Variants in KCTD5 observed in about 807,000 individuals in gnomAD.
The protein encoded by KCTD5 is BTB/POZ domain-containing protein KCTD5.
In KCTD5, 12 loss-of-function variants were observed where a neutral mutation model predicts 27.9. The ratio of observed to expected loss-of-function variants is 0.43; its 90% confidence interval spans 0.28 to 0.70. The LOEUF (loss-of-function observed/expected upper bound fraction) is 0.70, where lower values mean the gene tolerates loss of function less well. KCTD5 is among the 30% of genes least tolerant of loss of function. The probability of loss-of-function intolerance (pLI) is 0.19; values close to 1 mark genes in which losing one functional copy is unlikely to be tolerated. For synonymous variants in KCTD5, 147 were observed against 121.4 expected (o/e 1.21, Z -1.39); for missense variants, 226 against 274.8 (o/e 0.82, Z 1.26).
intron 1 of KCTD5, among the ~76,000 whole-genome samples, chr16:2,693,524 C>T (rs887009229): frequency 3.3e-5 from 5 of 152,232 alleles, no homozygotes; most frequent in African/African-American, 7.2e-5. Context: ...AGTGCCAGCA[C>T]GCTCAGTGCC....
intron 1 of KCTD5, among the ~76,000 whole-genome samples, chr16:2,685,052 G>C (rs1043006085): frequency 1.4e-4 from 22 of 152,206 alleles, no homozygotes; most frequent in African/African-American, 4.8e-4. Flanking sequence ...CATTTAACCA[G>C]GTTTGATTTC....
chr16:2,698,977 G>A (rs543877717), intron 3 of KCTD5, among the ~76,000 whole-genome samples: 2 of 152,210 alleles, frequency 1.3e-5, no homozygotes, highest in Non-Finnish European at 2.9e-5. Flanking sequence ...GAGAGTCTGC[G>A]GTCCAGCCTT....
chr16:2,700,141 C>G (rs1567195619), intron 4 of KCTD5, among the ~76,000 whole-genome samples: 1 of 152,196 alleles, frequency 6.6e-6, no homozygotes, highest in East Asian at 1.9e-4. Flanking sequence ...GCACCTTCCC[C>G]TCCTCCCTGG....
At chr16:2,704,844 G>T (rs1174398947) in intron 5 of KCTD5, among the ~76,000 whole-genome samples, 2 of 152,220 alleles carry the variant, frequency 1.3e-5, no homozygotes, top group Non-Finnish European at 2.9e-5. Context: ...CGAGATCTGT[G>T]GGCTAGCGCC....
At position 2,707,543 on chromosome 16, in the gene KCTD5, G is replaced by A. The variant is rs537569717; in HGVS notation, c.*216G>A. On this transcript the variant is annotated 3_prime_UTR_variant, in exon 6 of 6. Transcript: ENST00000301738. ...CCCAAGTTGGGGGAGCACGGCGGCC[G>A]GGTGGGCGCTGCCTCTTGGGGGGGC... The A allele has an allele frequency of 1.7e-4, 115 of 661,780 alleles. 1 individual carries two copies. The African/African-American group carries it at 1.8e-3, about 10-fold the overall frequency. 41.0% of individuals were successfully genotyped at this position (661,780 alleles called of 1,614,324 possible).
intron 1 of KCTD5, among the ~76,000 whole-genome samples, chr16:2,693,548 G>A (rs1238987310): frequency 6.6e-6 from 1 of 152,226 alleles, no homozygotes; most frequent in African/African-American, 2.4e-5. Context: ...CCGGCTCCTT[G>A]GACCTGTCTG....
At chr16:2,698,933 T>C (rs1183889932) in intron 3 of KCTD5, among the ~76,000 whole-genome samples, 1 of 152,146 alleles carries the variant, frequency 6.6e-6, no homozygotes, top group Non-Finnish European at 1.5e-5. Context: ...TACCTACCTG[T>C]ATGACGCAGG....
chr16:2,702,203 C>T (rs569182248), intron 4 of KCTD5, 150 bp from the exon 5 acceptor site: 17 of 1,004,808 alleles, frequency 1.7e-5, no homozygotes, highest in African/African-American at 6.4e-5. Flanking sequence ...GCAGGTGTTC[C>T]GGGGATTTGT....
chr16:2,699,252 T>G (rs769751765), intron 3 of KCTD5: 9 of 455,682 alleles, frequency 2.0e-5, no homozygotes, highest in South Asian at 1.4e-4. Flanking sequence ...GCGGCCCTGG[T>G]GGCTCACCAT....
rs1402827922 is a variant in KCTD5 at position 2,707,560 on chromosome 16, T to TG, written c.*240dup. 25 of 635,916 alleles carry TG rather than the reference T, an allele frequency of 3.9e-5. No individual in the cohort carries two copies. Among genetic ancestry groups the TG allele is most frequent in the South Asian group, 1.2e-4 (7 of 56,078 alleles). 39.4% of individuals were successfully genotyped at this position (635,916 alleles called of 1,614,324 possible). On this transcript the variant is annotated 3_prime_UTR_variant, in exon 6 of 6. Transcript: ENST00000301738. ...CGGCGGCCGGGTGGGCGCTGCCTCT[T>TG]GGGGGGGCCTCGCTCTGTTTTTTCC... is the stretch of plus-strand genomic sequence containing the variant.
intron 1 of KCTD5, among the ~76,000 whole-genome samples, chr16:2,691,547 G>A (rs186840601): frequency 6.6e-6 from 1 of 152,318 alleles, no homozygotes; most frequent in East Asian, 1.9e-4. Context: ...CCGAGTCCAC[G>A]CAGCCTGGGT....
chr16:2,698,549 C>T (rs2142056905), intron 3 of KCTD5, among the ~76,000 whole-genome samples: 1 of 152,374 alleles, frequency 6.6e-6, no homozygotes, highest in African/African-American at 2.4e-5. Flanking sequence ...GGAGGGGCCA[C>T]TGCTGGGCCT....
chr16:2,692,726 C>T (rs2067571923), intron 1 of KCTD5, among the ~76,000 whole-genome samples: 1 of 152,254 alleles, frequency 6.6e-6, no homozygotes, highest in African/African-American at 2.4e-5. Flanking sequence ...GGGGACCTAC[C>T]CCCTTCTTCC....
rs755043258 is a variant in KCTD5, at chr16:2,702,445, C to T, written c.642C>T (p.Tyr214=). The change falls in exon 5 of 6, where the codon TAC becomes TAT. Residue 214 remains tyrosine (Y), a synonymous_variant. Transcript: ENST00000301738. The part of the protein sequence containing the change: ...VVSKELHNTP[Y]GTASEPSEKA... ...CCAAGGAGCTGCACAACACCCCGTACGGTACGGCCAGCGAGCCCAGCGAGA... is the reference window on the plus strand; with the variant it reads ...CCAAGGAGCTGCACAACACCCCGTATGGTACGGCCAGCGAGCCCAGCGAGA... 6.8e-6 allele frequency: 11 copies of T among 1,613,300 alleles called. No homozygotes were observed. Among genetic ancestry groups the T allele is most frequent in the South Asian group, 2.2e-5 (2 of 91,084 alleles).
intron 4 of KCTD5, among the ~76,000 whole-genome samples, chr16:2,701,432 T>A (rs2067611643): frequency 6.6e-6 from 1 of 152,168 alleles, no homozygotes; most frequent in Non-Finnish European, 1.5e-5. Context: ...CAAGCAGGGC[T>A]TGGAAGTGGC....
intron 1 of KCTD5, chr16:2,684,792 G>A (rs148624502): frequency 8.4e-3 from 1,265 of 150,840 alleles, no homozygotes; most frequent in Middle Eastern, 0.02. Context: ...AAAAAAATAA[G>A]CCAGGTGTGG....
chr16:2,707,253 C>T (rs757603907), intron 5 of KCTD5, 45 bp from the exon 6 acceptor site: 6 of 1,600,540 alleles, frequency 3.7e-6, no homozygotes, highest in Admixed American at 1.7e-5. Flanking sequence ...GTCAGGGACA[C>T]CTCCTCAGCC....
At position 2,709,015 on chromosome 16, in the gene KCTD5, A is replaced by AT. The variant is rs1320010824; in HGVS notation, c.*1690dup. 6.6e-6 allele frequency: 1 copy of AT among 152,246 alleles called. No homozygotes were observed. The highest frequency in any genetic ancestry group is 6.5e-5 in the Admixed American group (1 of 15,292). The allele number at this position is 152,246 out of a possible 1,614,324, so 9.4% of individuals were successfully genotyped here. A position where few individuals can be genotyped will look rare whatever the true frequency, so the allele number is the denominator to read the frequency against. ...GTTTCCCCTGGAAATAGCAAATAAA[A>AT]TTGTGTATTTATGAATGCGCGTAGT... On this transcript the variant is annotated 3_prime_UTR_variant, in exon 6 of 6. Transcript: ENST00000301738.
In KCTD5 at chr16:2,708,260, C is replaced by G. The variant is rs2067646379; in HGVS notation, c.*933C>G. On this transcript the variant is annotated 3_prime_UTR_variant, in exon 6 of 6. Transcript: ENST00000301738. Reference sequence around the variant, plus strand: ...TGTTTACAGAGCATCACAAATGCCTCTCTCTCGCCGCTCTCTCATTTTCTT... The same window carrying G: ...TGTTTACAGAGCATCACAAATGCCTGTCTCTCGCCGCTCTCTCATTTTCTT... 3 of 152,852 alleles carry G rather than the reference C, an allele frequency of 2.0e-5. No homozygotes were observed. Among genetic ancestry groups the G allele is most frequent in the African/African-American group, 2.4e-5 (1 of 41,600 alleles). The allele number at this position is 152,852 out of a possible 1,614,324, so 9.5% of individuals were successfully genotyped here. A position where few individuals can be genotyped will look rare whatever the true frequency, so the allele number is the denominator to read the frequency against.
Sources: allele counts gnomAD v4.1 joint callset (sites outside exome capture counted in the v4.1 genomes callset), GRCh38; gene constraint gnomAD v4.1.1; transcripts MANE v1.5; gene names NCBI Gene and HGNC (gene_info 2026-07-23, HGNC 2026-07-21).